Variants in AGPAT4 observed in about 807,000 individuals in gnomAD.
AGPAT4 encodes 1-acylglycerol-3-phosphate O-acyltransferase 4.
A neutral mutation model predicts 48.0 loss-of-function variants in AGPAT4; 15 were observed. The ratio of observed to expected loss-of-function variants is 0.31; its 90% CI spans 0.21 to 0.48. The LOEUF (loss-of-function observed/expected upper bound fraction) is 0.48. Ranked by LOEUF, AGPAT4 falls within the 20% of genes least tolerant of loss-of-function variation. The pLI is 0.99. For synonymous variants in AGPAT4, 178 were observed against 198.7 expected (o/e 0.90, Z 0.88); for missense variants, 314 against 482.5 (o/e 0.65, Z 3.27).
chr6:161,154,062 C>G lies in AGPAT4; in HGVS notation c.510+87G>C. ...CTGGAGTCGCACAGGACCACACAGT[C>G]ACGTGTCCTGTGGAAGTCACATGGG... On this transcript the variant is annotated intron_variant, in intron 4 of 8. Coordinates refer to ENST00000320285, the MANE Select transcript of AGPAT4 (RefSeq NM_020133.3). The surrounding 1 kb of genome is among the most constrained non-coding windows in gnomAD (Gnocchi z 7.8). 2 of 1,541,010 alleles carry G rather than the reference C, an allele frequency of 1.3e-6. No homozygotes were observed. Among genetic ancestry groups the G allele is most frequent in the Non-Finnish European group, 1.8e-6 (2 of 1,119,844 alleles).
chr6:161,140,946 GGAGTC>G lies in AGPAT4; in HGVS notation c.844-1331_844-1327del, dbSNP rs1184484866. ...GCCTAGTAATGTCCCAGTTCTCTAA[GGAGTC>G]GAGTTTTCTGGAAAATGAGCTTCCT... On this transcript the variant is annotated intron_variant, in intron 7 of 8. Transcript: ENST00000320285. This position sits in a 1 kb window ranked among gnomAD's most constrained non-coding sequence, Gnocchi z 6.5. 1.3e-5 allele frequency among the ~76,000 whole-genome samples: 2 copies of G among 152,210 alleles called. No individual in the cohort carries two copies. The highest frequency in any genetic ancestry group is 1.3e-4 in the Admixed American group (2 of 15,278).
intron 2 of AGPAT4, among the ~76,000 whole-genome samples, chr6:161,210,226 C>T (rs1781487088): frequency 6.6e-6 from 1 of 152,128 alleles, no homozygotes; most frequent in Non-Finnish European, 1.5e-5. Context: ...GATTTGGCAT[C>T]CATCTTTAAT....
At chr6:161,239,805 C>G (rs1233341120) in intron 1 of AGPAT4, among the ~76,000 whole-genome samples, 1 of 152,140 alleles carries the variant, frequency 6.6e-6, no homozygotes, top group Admixed American at 6.5e-5. Context: ...GACCCCTAGC[C>G]TCAGTGTGAG....
In AGPAT4 at chr6:161,219,824, G is replaced by GAGAT. The variant is rs55973440; in HGVS notation, c.178+12208_178+12211dup. On this transcript the variant is annotated intron_variant, in intron 2 of 8. Transcript: ENST00000320285. The surrounding 1 kb of genome is among the most constrained non-coding windows in gnomAD (Gnocchi z 4.9). ...AGATTCACAGTAAAAAAGATAGACA[G>GAGAT]AGATAGATAGATAGATAGATAGATA... Among the ~76,000 whole-genome samples the GAGAT allele has an allele frequency of 0.11, 9,546 of 88,768 alleles. 1,069 individuals are homozygous for GAGAT. The highest frequency in any genetic ancestry group is 0.14 in the East Asian group (357 of 2,492). The allele number at this position is 88,768 out of a possible 152,430, so 58.2% of individuals were successfully genotyped here. A position where few individuals can be genotyped will look rare whatever the true frequency, so the allele number is the denominator to read the frequency against.
At position 161,144,606 on chromosome 6, in the gene AGPAT4, G is replaced by A. The variant is rs1428250924; in HGVS notation, c.843+1918C>T. On this transcript the variant is annotated intron_variant, in intron 7 of 8. Transcript: ENST00000320285. The surrounding 1 kb of genome is among the most constrained non-coding windows in gnomAD (Gnocchi z 6.6). The stretch of plus-strand genomic sequence containing the variant: ...ATGGGCTTGAGGGCCCACGTTTATT[G>A]TAGATTTGTTTGTGTGGCTCTTTAC... 6.6e-6 allele frequency among the ~76,000 whole-genome samples: 1 copy of A among 152,152 alleles called. No homozygotes were observed. The highest frequency in any genetic ancestry group is 2.4e-5 in the African/African-American group (1 of 41,430).
In AGPAT4 at chr6:161,261,066, T is replaced by C. The variant is rs550482593; in HGVS notation, c.-90+12872A>G. The stretch of plus-strand genomic sequence containing the variant: ...CCGAGCTCGTGTATTCCGTTCCACC[T>C]GCCTGATGCCCTTCCCTCCCCCTTT... On this transcript the variant is annotated intron_variant, in intron 1 of 8. Coordinates refer to ENST00000320285, the MANE Select transcript of AGPAT4 (RefSeq NM_020133.3). This position sits in a 1 kb window ranked among gnomAD's most constrained non-coding sequence, Gnocchi z 5.3. 1.3e-5 allele frequency among the ~76,000 whole-genome samples: 2 copies of C among 152,300 alleles called. No homozygotes were observed. The highest frequency in any genetic ancestry group is 2.1e-4 in the South Asian group (1 of 4,832).
In AGPAT4 at chr6:161,137,182, A is replaced by G. The variant is rs1483834361; in HGVS notation, c.1043-548T>C. Among the ~76,000 whole-genome samples the G allele has an allele frequency of 1.3e-5, 2 of 152,148 alleles. No individual in the cohort carries two copies. The highest frequency in any genetic ancestry group is 3.9e-4 in the East Asian group (2 of 5,166). ...AGAGAATGGGCAGGACCCTCGTGGG[A>G]GCCCAGTTTAATATAGGAAGCTGGA... is the stretch of plus-strand genomic sequence containing the variant. On this transcript the variant is annotated intron_variant, in intron 8 of 8. Coordinates refer to ENST00000320285, the MANE Select transcript of AGPAT4 (RefSeq NM_020133.3). This position sits in a 1 kb window ranked among gnomAD's most constrained non-coding sequence, Gnocchi z 6.1.
rs1271470980 is a variant in AGPAT4 at position 161,236,733 on chromosome 6, A to G, written c.-89-4431T>C. ...AGCCTGGTGAAACCCCATCTCCACTAAAAATACAAAAAAAAAAAAATAGCT... is the reference window on the plus strand; with the variant it reads ...AGCCTGGTGAAACCCCATCTCCACTGAAAATACAAAAAAAAAAAAATAGCT... On this transcript the variant is annotated intron_variant, in intron 1 of 8. Transcript: ENST00000320285. This position sits in a 1 kb window ranked among gnomAD's most constrained non-coding sequence, Gnocchi z 5.0. Among the ~76,000 whole-genome samples, 3 of 143,884 alleles carry G rather than the reference A, an allele frequency of 2.1e-5. No individual in the cohort carries two copies. The highest frequency in any genetic ancestry group is 4.7e-5 in the Non-Finnish European group (3 of 63,610). The allele number at this position is 143,884 out of a possible 152,430, so 94.4% of individuals were successfully genotyped here. A position where few individuals can be genotyped will look rare whatever the true frequency, so the allele number is the denominator to read the frequency against.
At position 161,161,487 on chromosome 6, in the gene AGPAT4, C is replaced by T. The variant is rs1779933547; in HGVS notation, c.348+4761G>A. On this transcript the variant is annotated intron_variant, in intron 3 of 8. Coordinates refer to ENST00000320285, the MANE Select transcript of AGPAT4 (RefSeq NM_020133.3). The surrounding 1 kb of genome is among the most constrained non-coding windows in gnomAD (Gnocchi z 4.6). The stretch of plus-strand genomic sequence containing the variant: ...CCCATTCCTAGTGCAAGGTCTGTGC[C>T]TGCAGAGCTGATGAATTCACATGGT... The T allele has an allele frequency of 2.2e-6, 1 of 456,574 alleles. No individual in the cohort carries two copies. The highest frequency in any genetic ancestry group is 4.4e-6 in the Non-Finnish European group (1 of 226,956). 28.3% of individuals were successfully genotyped at this position (456,574 alleles called of 1,614,324 possible).
In AGPAT4 at chr6:161,214,536, C is replaced by T. The variant is rs986619614; in HGVS notation, c.178+17500G>A. On this transcript the variant is annotated intron_variant, in intron 2 of 8. Coordinates refer to ENST00000320285, the MANE Select transcript of AGPAT4 (RefSeq NM_020133.3). The surrounding 1 kb of genome is among the most constrained non-coding windows in gnomAD (Gnocchi z 5.4). The stretch of plus-strand genomic sequence containing the variant: ...ATCCCAGCCCTTTGGGAGGTCAAGG[C>T]AGGCGGATCAATTGAAGTCAGGAGT... Among the ~76,000 whole-genome samples, 1 of 152,118 alleles carries T rather than the reference C, an allele frequency of 6.6e-6. No homozygotes were observed. Among genetic ancestry groups the T allele is most frequent in the Non-Finnish European group, 1.5e-5 (1 of 68,030 alleles).
Position 161,255,719 on chromosome 6 carries a change from G to C in AGPAT4, c.-90+18219C>G, listed in dbSNP as rs1437771718. On this transcript the variant is annotated intron_variant, in intron 1 of 8. Transcript: ENST00000320285. The surrounding 1 kb of genome is among the most constrained non-coding windows in gnomAD (Gnocchi z 4.7). Reference sequence around the variant, plus strand: ...AACTTGTGGTTGTCTAGGGCTGGAGGGGGCAGGATGGGGGAGTGACTGCTG... The same window carrying C: ...AACTTGTGGTTGTCTAGGGCTGGAGCGGGCAGGATGGGGGAGTGACTGCTG... Among the ~76,000 whole-genome samples the C allele has an allele frequency of 1.3e-5, 2 of 151,978 alleles. No individual in the cohort carries two copies. The highest frequency in any genetic ancestry group is 2.4e-5 in the African/African-American group (1 of 41,352).
At position 161,153,234 on chromosome 6, in the gene AGPAT4, A is replaced by G. The variant is rs1779641810; in HGVS notation, c.664+112T>C. On this transcript the variant is annotated intron_variant, in intron 5 of 8. Transcript: ENST00000320285. ...ACTTGAGCAGCCACTCTGAGCTCCT[A>G]GCCTCAAGTCAGCTGGGAAGTGCTG... The G allele has an allele frequency of 1.1e-5, 16 of 1,407,630 alleles. No individual in the cohort carries two copies. The South Asian group carries it at 2.1e-4, about 18-fold the overall frequency. 87.2% of individuals were successfully genotyped at this position (1,407,630 alleles called of 1,614,324 possible).
At chr6:161,170,168 A>G (rs1780222083) in intron 2 of AGPAT4, among the ~76,000 whole-genome samples, 1 of 152,054 alleles carries the variant, frequency 6.6e-6, no homozygotes, top group African/African-American at 2.4e-5. Context: ...CTCCCAGTTT[A>G]TATCCATCGC....
In AGPAT4 at chr6:161,215,943, C is replaced by T. The variant is rs1781634753; in HGVS notation, c.178+16093G>A. Among the ~76,000 whole-genome samples, 1 of 152,212 alleles carries T rather than the reference C, an allele frequency of 6.6e-6. No homozygotes were observed. The highest frequency in any genetic ancestry group is 6.5e-5 in the Admixed American group (1 of 15,286). Reference sequence around the variant, plus strand: ...GCAAAACTCTTCGCATGCACCCTGCCATGAAGGGCTATCAAACCTCCTCTG... The same window carrying T: ...GCAAAACTCTTCGCATGCACCCTGCTATGAAGGGCTATCAAACCTCCTCTG... On this transcript the variant is annotated intron_variant, in intron 2 of 8. Transcript: ENST00000320285. This position sits in a 1 kb window ranked among gnomAD's most constrained non-coding sequence, Gnocchi z 4.5.
intron 5 of AGPAT4, among the ~76,000 whole-genome samples, chr6:161,152,706 C>T (rs1300154210): frequency 6.6e-6 from 1 of 152,136 alleles, no homozygotes; most frequent in Non-Finnish European, 1.5e-5. Context: ...GACAGCTTCG[C>T]CTGAAGTGCT....
Position 161,134,327 on chromosome 6 carries a change from C to A in AGPAT4, c.*2213G>T, listed in dbSNP as rs972054377. 1 of 152,160 alleles carries A rather than the reference C, an allele frequency of 6.6e-6. No individual in the cohort carries two copies. The highest frequency in any genetic ancestry group is 2.4e-5 in the African/African-American group (1 of 41,430). 9.4% of individuals were successfully genotyped at this position (152,160 alleles called of 1,614,324 possible). A position where few individuals can be genotyped will look rare whatever the true frequency, so the allele number is the denominator to read the frequency against. ...GCCAATTCAGAAGAAAATTGAATGT[C>A]TGTGGGCCCCCGGATCTATGTTTTT... On this transcript the variant is annotated 3_prime_UTR_variant, in exon 9 of 9. Coordinates refer to ENST00000320285, the MANE Select transcript of AGPAT4 (RefSeq NM_020133.3).
chr6:161,140,940 C>A lies in AGPAT4; in HGVS notation c.844-1320G>T, dbSNP rs1408839115. ...GAACTAGCCTAGTAATGTCCCAGTT[C>A]TCTAAGGAGTCGAGTTTTCTGGAAA... On this transcript the variant is annotated intron_variant, in intron 7 of 8. Transcript: ENST00000320285. This position sits in a 1 kb window ranked among gnomAD's most constrained non-coding sequence, Gnocchi z 6.5. 1.3e-5 allele frequency among the ~76,000 whole-genome samples: 2 copies of A among 152,228 alleles called. No homozygotes were observed.
rs1782884948 is a variant in AGPAT4 at position 161,254,338 on chromosome 6, G to T, written c.-90+19600C>A. Among the ~76,000 whole-genome samples the T allele has an allele frequency of 6.6e-6, 1 of 152,104 alleles. No homozygotes were observed. The highest frequency in any genetic ancestry group is 2.4e-5 in the African/African-American group (1 of 41,420). On this transcript the variant is annotated intron_variant, in intron 1 of 8. Transcript: ENST00000320285. This position sits in a 1 kb window ranked among gnomAD's most constrained non-coding sequence, Gnocchi z 5.9. ...TTTCTTTGGTCACTAACCTGCTCAG[G>T]TCCCTACCTTCTCTGATCCTCAGCT...
chr6:161,206,143 C>T lies in AGPAT4; in HGVS notation c.178+25893G>A, dbSNP rs1171722715. ...CAGGGAAGTGGCAGCCTAGCAAGAC[C>T]GAAAACCTCTAGACAGTAACTGCCC... is the stretch of plus-strand genomic sequence containing the variant. On this transcript the variant is annotated intron_variant, in intron 2 of 8. Transcript: ENST00000320285. The surrounding 1 kb of genome is among the most constrained non-coding windows in gnomAD (Gnocchi z 4.8). Among the ~76,000 whole-genome samples the T allele has an allele frequency of 1.3e-5, 2 of 152,082 alleles. No individual in the cohort carries two copies. Among genetic ancestry groups the T allele is most frequent in the African/African-American group, 2.4e-5 (1 of 41,418 alleles).
Sources: gnomAD v4.1 joint callset for allele counts (sites outside exome capture counted in the v4.1 genomes callset) on GRCh38, gnomAD v4.1.1 for gene constraint, Gnocchi (gnomAD v3.1) non-coding constraint, MANE v1.5 for transcripts, NCBI Gene and HGNC (gene_info 2026-07-23, HGNC 2026-07-21) for gene names.